FRYL: variants seen among roughly 807,000 people sequenced by gnomAD.
The protein encoded by FRYL is FRY like transcription coactivator.
In FRYL, 150 loss-of-function variants were observed where a neutral mutation model predicts 351.2. The observed-to-expected ratio is 0.43, with a 90% CI of 0.37 to 0.49. The LOEUF (loss-of-function observed/expected upper bound fraction) is 0.49. Ranked by LOEUF, FRYL falls within the 20% of genes least tolerant of loss-of-function variation. The pLI, the probability that FRYL is intolerant of heterozygous loss-of-function variation, is 0.00. For synonymous variants in FRYL, 1,153 were observed against 1,257.1 expected (o/e 0.92, Z 1.75); for missense variants, 3,036 against 3,619.3 (o/e 0.84, Z 4.13).
chr4:48,744,066 T>C (rs1772408052), intron 1 of FRYL, among the ~76,000 whole-genome samples: 1 of 152,170 alleles, frequency 6.6e-6, no homozygotes, highest in Admixed American at 6.5e-5. Context: ...TGAATTTCTG[T>C]AATTAATAGG....
chr4:48,651,143 T>G (rs1401546311), intron 3 of FRYL, among the ~76,000 whole-genome samples: 1 of 151,964 alleles, frequency 6.6e-6, no homozygotes, highest in Non-Finnish European at 1.5e-5. Context: ...TACAGTGGCA[T>G]GAACAGGGCT....
At chr4:48,701,671 T>C (rs1291458730) in intron 2 of FRYL, among the ~76,000 whole-genome samples, 2 of 152,202 alleles carry the variant, frequency 1.3e-5, no homozygotes, top group Non-Finnish European at 2.9e-5. Flanking sequence ...CTAATCCTTG[T>C]CAATAGACAG....
intron 22 of FRYL, 154 bp downstream of exon 22, chr4:48,580,711 A>T: frequency 2.0e-6 from 1 of 499,940 alleles, no homozygotes; most frequent in East Asian, 3.1e-5. Flanking sequence ...CTTTTTAAGT[A>T]CTACTCTTAA....
At chr4:48,519,488 TTTC>T (rs1442213023) in intron 55 of FRYL, among the ~76,000 whole-genome samples, 9 of 140,060 alleles carry the variant, frequency 6.4e-5, no homozygotes, top group Admixed American at 3.9e-4. Flanking sequence ...TGAAATGTAA[TTTC>T]TTTTTTTTTT....
chr4:48,662,582 G>A (rs1165369750), intron 3 of FRYL, among the ~76,000 whole-genome samples: 3 of 151,518 alleles, frequency 2.0e-5, no homozygotes, highest in Non-Finnish European at 2.9e-5. Context: ...AGCATGCTAA[G>A]GTGCACCATA....
rs778047897 is a variant in FRYL, at chr4:48,562,898, T to C, written c.3687A>G (p.Gln1229=). Residue 1229 remains glutamine, a synonymous_variant, in exon 32 of 64, where the codon CAA becomes CAG. Transcript: ENST00000358350. Reference sequence around the variant, plus strand: ...TCACATGTTTACAAACCTGTAAAAGTTGCATAGCAACTTCATAGATACTTC... The same window carrying C: ...TCACATGTTTACAAACCTGTAAAAGCTGCATAGCAACTTCATAGATACTTC... ...SSRSIYEVAM[Q]LLQILEPKMF... is the part of the protein sequence containing the mutation. The C allele has an allele frequency of 6.3e-7, 1 of 1,574,842 alleles. No homozygotes were observed. Among genetic ancestry groups the C allele is most frequent in the Admixed American group, 1.7e-5 (1 of 57,312 alleles).
intron 12 of FRYL, 33 bp from the exon 13 acceptor site, chr4:48,602,154 T>C (rs748457659): frequency 7.3e-6 from 8 of 1,103,302 alleles, no homozygotes; most frequent in Non-Finnish European, 1.1e-5. Flanking sequence ...AGAATTAACA[T>C]TTTTCATCGA....
At chr4:48,514,878 T>A (rs539689715) in intron 56 of FRYL, 150 bp downstream of exon 56, 1 of 619,928 alleles carries the variant, frequency 1.6e-6, no homozygotes, top group South Asian at 3.2e-5. Context: ...GAAGATAGTA[T>A]GATTCTAGAC....
chr4:48,564,518 T>G (rs1159227148), intron 30 of FRYL, among the ~76,000 whole-genome samples: 1 of 152,190 alleles, frequency 6.6e-6, no homozygotes, highest in East Asian at 1.9e-4. Context: ...AGTCTGTATA[T>G]GTACAATATG....
At position 48,677,319 on chromosome 4, in the gene FRYL, C is replaced by A. The variant is rs141779998; in HGVS notation, c.-81+7354G>T. Among the ~76,000 whole-genome samples, 16 of 152,116 alleles carry A rather than the reference C, an allele frequency of 1.1e-4. No homozygotes were observed. In the East Asian group the frequency reaches 3.1e-3, roughly 29 times the overall value. ...ATATATTCTAAGCTAGACTTATTCT[C>A]GGTTGATTCTCTCACAAACGTACAA... On this transcript the variant is annotated intron_variant, in intron 3 of 63. Coordinates refer to ENST00000358350, the MANE Select transcript of FRYL (RefSeq NM_015030.2).
At chr4:48,542,490 CA>C (rs1249992722) in intron 44 of FRYL, among the ~76,000 whole-genome samples, 3 of 152,210 alleles carry the variant, frequency 2.0e-5, no homozygotes, top group Admixed American at 6.5e-5. Flanking sequence ...AATCTTGGCT[CA>C]ATGCAACCTC....
chr4:48,708,780 G>A (rs1232293263), intron 2 of FRYL, among the ~76,000 whole-genome samples: 1 of 152,106 alleles, frequency 6.6e-6, no homozygotes, highest in African/African-American at 2.4e-5. Flanking sequence ...TTTCTGTAGA[G>A]ATGGGGTCTT....
At chr4:48,751,373 G>T (rs1414963790) in intron 1 of FRYL, among the ~76,000 whole-genome samples, 3 of 152,170 alleles carry the variant, frequency 2.0e-5, no homozygotes, top group African/African-American at 7.2e-5. Flanking sequence ...AACTGTAGAA[G>T]ACAGAGAGCA....
chr4:48,633,637 C>A (rs1025577162), intron 4 of FRYL, among the ~76,000 whole-genome samples: 1 of 152,186 alleles, frequency 6.6e-6, no homozygotes, highest in African/African-American at 2.4e-5. Context: ...TAACCCTTAA[C>A]TTTCATTCAA....
chr4:48,724,734 C>T (rs894452743), intron 1 of FRYL, among the ~76,000 whole-genome samples: 2 of 152,108 alleles, frequency 1.3e-5, no homozygotes, highest in Non-Finnish European at 2.9e-5. Flanking sequence ...ACAGTTTATT[C>T]AATAAAATGC....
chr4:48,712,032 A>G (rs1236223761), intron 1 of FRYL, among the ~76,000 whole-genome samples: 2 of 152,200 alleles, frequency 1.3e-5, no homozygotes, highest in South Asian at 2.1e-4. Flanking sequence ...GAAAACTAAC[A>G]AACAGAAAGG....
intron 2 of FRYL, among the ~76,000 whole-genome samples, chr4:48,705,961 T>C (rs778804350): frequency 4.2e-4 from 64 of 152,196 alleles, no homozygotes; most frequent in South Asian, 1.7e-3. Flanking sequence ...CTCAGCCTCC[T>C]GAGTAGCTGG....
chr4:48,695,867 G>T (rs1766111854), intron 2 of FRYL, among the ~76,000 whole-genome samples: 1 of 152,050 alleles, frequency 6.6e-6, no homozygotes, highest in South Asian at 2.1e-4. Context: ...GTGGGCAAAG[G>T]ATATAAATAG....
chr4:48,505,428 GAA>G, intron 60 of FRYL, 117 bp downstream of exon 60: 1 of 663,654 alleles, frequency 1.5e-6, no homozygotes, highest in Middle Eastern at 2.6e-4. Flanking sequence ...TAACCAAAAT[GAA>G]AAGTTTTACA....
Sources: allele counts gnomAD v4.1 joint callset (sites outside exome capture counted in the v4.1 genomes callset), GRCh38; gene constraint gnomAD v4.1.1; transcripts MANE v1.5; gene names NCBI Gene and HGNC (gene_info 2026-07-23, HGNC 2026-07-21).